Variants in LRRC4C observed in about 807,000 individuals in gnomAD.
The protein encoded by LRRC4C is leucine rich repeat containing 4C.
A neutral mutation model predicts 33.6 loss-of-function variants in LRRC4C; 5 were observed. The observed-to-expected ratio is 0.15, with a 90% CI of 0.08 to 0.31. The LOEUF is 0.31. Among genes scored for constraint, LRRC4C ranks in the 10% least tolerant of loss-of-function variants. The probability of loss-of-function intolerance (pLI) is 1.00; values close to 1 mark genes in which losing one functional copy is unlikely to be tolerated. For synonymous variants in LRRC4C, 329 were observed against 302.0 expected (o/e 1.09, Z -0.93); for missense variants, 560 against 796.7 (o/e 0.70, Z 3.58).
intron 3 of LRRC4C, among the ~76,000 whole-genome samples, chr11:40,321,193 T>C (rs1945830429): frequency 6.6e-6 from 1 of 152,182 alleles, no homozygotes; most frequent in Non-Finnish European, 1.5e-5. Flanking sequence ...ATGATTTTTT[T>C]CCCCTCACAT....
At chr11:40,516,486 T>TA (rs1461770475) in intron 3 of LRRC4C, among the ~76,000 whole-genome samples, 1 of 152,092 alleles carries the variant, frequency 6.6e-6, no homozygotes, top group African/African-American at 2.4e-5. Flanking sequence ...TAGATATTTT[T>TA]AAATACCCTA....
chr11:40,600,364 A>G lies in LRRC4C; in HGVS notation c.-270+47778T>C, dbSNP rs1328286867. On this transcript the variant is annotated intron_variant, in intron 3 of 6. Coordinates refer to ENST00000528697, the MANE Select transcript of LRRC4C (RefSeq NM_001258419.2). ...CTTACAGAGATTATGTCAACTGTCC[A>G]AAGTAACAAATGAATTGTAGTATAC... Among the ~76,000 whole-genome samples, 3 of 152,214 alleles carry G rather than the reference A, an allele frequency of 2.0e-5. No homozygotes were observed. In the East Asian group the frequency reaches 5.8e-4, roughly 29 times the overall value.
At chr11:40,278,811 A>G (rs1488416470) in intron 4 of LRRC4C, among the ~76,000 whole-genome samples, 2 of 152,156 alleles carry the variant, frequency 1.3e-5, no homozygotes. Flanking sequence ...TTTTGTCTCC[A>G]GCACATAATT....
chr11:40,656,629 C>T (rs1052524162), intron 2 of LRRC4C, among the ~76,000 whole-genome samples: 2 of 152,178 alleles, frequency 1.3e-5, no homozygotes, highest in African/African-American at 4.8e-5. Flanking sequence ...TACAAACCTT[C>T]TGTTCCTTTC....
intron 1 of LRRC4C, among the ~76,000 whole-genome samples, chr11:41,145,990 A>G (rs991038569): frequency 1.3e-5 from 2 of 152,194 alleles, no homozygotes; most frequent in African/African-American, 4.8e-5. Context: ...AATGAACCAA[A>G]ATACTTCCTT....
At chr11:40,479,740 G>C (rs1419545352) in intron 3 of LRRC4C, among the ~76,000 whole-genome samples, 1 of 151,950 alleles carries the variant, frequency 6.6e-6, no homozygotes, top group Non-Finnish European at 1.5e-5. Flanking sequence ...CCCAACGTTT[G>C]TTTTCTTGCA....
At chr11:40,843,909 T>C (rs542486129) in intron 2 of LRRC4C, among the ~76,000 whole-genome samples, 1 of 152,184 alleles carries the variant, frequency 6.6e-6, no homozygotes, top group Non-Finnish European at 1.5e-5. Flanking sequence ...AGGAGTTTTA[T>C]ATAAGGAGCT....
At chr11:40,909,453 A>G (rs1381823803) in intron 2 of LRRC4C, among the ~76,000 whole-genome samples, 1 of 152,132 alleles carries the variant, frequency 6.6e-6, no homozygotes, top group Non-Finnish European at 1.5e-5. Context: ...AAACATACAA[A>G]AACAAGCAAT....
intron 5 of LRRC4C, among the ~76,000 whole-genome samples, chr11:40,216,966 G>A (rs915393246): frequency 6.6e-6 from 1 of 152,114 alleles, no homozygotes; most frequent in African/African-American, 2.4e-5. Flanking sequence ...AAGTCATTAG[G>A]CAGCTAATTA....
chr11:40,314,746 A>G (rs762149667), intron 4 of LRRC4C, among the ~76,000 whole-genome samples: 3 of 152,164 alleles, frequency 2.0e-5, no homozygotes, highest in Admixed American at 6.5e-5. Flanking sequence ...TGTCATTTGC[A>G]GCATTATCAA....
At chr11:40,773,722 T>A (rs980488297) in intron 2 of LRRC4C, among the ~76,000 whole-genome samples, 2 of 152,224 alleles carry the variant, frequency 1.3e-5, no homozygotes, top group Admixed American at 1.3e-4. Flanking sequence ...AACACTTTTT[T>A]AATTCAGTTA....
intron 5 of LRRC4C, among the ~76,000 whole-genome samples, chr11:40,190,463 C>A (rs1386956974): frequency 6.6e-6 from 1 of 152,180 alleles, no homozygotes; most frequent in African/African-American, 2.4e-5. Context: ...GTCCTCATGC[C>A]ATCACCAATC....
At chr11:40,349,995 C>T (rs1011441645) in intron 3 of LRRC4C, among the ~76,000 whole-genome samples, 1 of 151,962 alleles carries the variant, frequency 6.6e-6, no homozygotes, top group Non-Finnish European at 1.5e-5. Context: ...TTATTAGTCC[C>T]TTGTCAGATG....
At chr11:41,317,174 T>C (rs1950820720) in intron 1 of LRRC4C, among the ~76,000 whole-genome samples, 1 of 152,162 alleles carries the variant, frequency 6.6e-6, no homozygotes, top group Non-Finnish European at 1.5e-5. Context: ...CAGGTCAACC[T>C]GGGTTCAGTT....
chr11:40,929,406 A>C (rs942924743), intron 2 of LRRC4C, among the ~76,000 whole-genome samples: 1 of 152,200 alleles, frequency 6.6e-6, no homozygotes, highest in African/African-American at 2.4e-5. Flanking sequence ...ATAAAAATAA[A>C]TAAATAAAAA....
At chr11:40,228,747 T>C (rs1262555443) in intron 5 of LRRC4C, among the ~76,000 whole-genome samples, 1 of 152,236 alleles carries the variant, frequency 6.6e-6, no homozygotes, top group Non-Finnish European at 1.5e-5. Context: ...GCTTTTCGTT[T>C]GGTCCAGTTT....
chr11:40,550,656 T>C (rs1338913873), intron 3 of LRRC4C, among the ~76,000 whole-genome samples: 1 of 152,164 alleles, frequency 6.6e-6, no homozygotes, highest in Non-Finnish European at 1.5e-5. Context: ...CAGCAAGTGT[T>C]ATTTATGGTA....
chr11:41,312,261 A>G (rs1950663803), intron 1 of LRRC4C, among the ~76,000 whole-genome samples: 1 of 152,160 alleles, frequency 6.6e-6, no homozygotes, highest in Admixed American at 6.5e-5. Flanking sequence ...CTATTTCTAA[A>G]CCCTTCAAAA....
At chr11:40,536,038 G>A (rs186377917) in intron 3 of LRRC4C, among the ~76,000 whole-genome samples, 169 of 152,218 alleles carry the variant, frequency 1.1e-3, no homozygotes, top group African/African-American at 3.6e-3. Context: ...ATTATTATAT[G>A]TCCACAACTA....
Sources: gnomAD v4.1 joint callset for allele counts (sites outside exome capture counted in the v4.1 genomes callset) on GRCh38, gnomAD v4.1.1 for gene constraint, MANE v1.5 for transcripts, NCBI Gene and HGNC (gene_info 2026-07-23, HGNC 2026-07-21) for gene names.